SEMA5B: variants seen among roughly 807,000 people sequenced by gnomAD.
SEMA5B encodes semaphorin-5B.
Under a neutral mutation model 135.0 loss-of-function variants are expected in SEMA5B, and 66 were observed. That is an observed-to-expected ratio of 0.49 (90% CI 0.40 to 0.60). SEMA5B has a LOEUF of 0.60. Among genes scored for constraint, SEMA5B ranks in the 20% least tolerant of loss-of-function variants. The pLI is 0.00. For synonymous variants in SEMA5B, 690 were observed against 639.5 expected, an observed-to-expected ratio of 1.08 and a Z score of -1.19; for missense variants, 1,501 against 1,566.3, an observed-to-expected ratio of 0.96 and a Z score of 0.70.
chr3:122,997,513 GCCTCTCCCCCCC>G (rs1942050058), intron 1 of SEMA5B, among the ~76,000 whole-genome samples: 1 of 146,984 alleles, frequency 6.8e-6, no homozygotes, highest in Non-Finnish European at 1.5e-5. Flanking sequence ...TGGTCCCCAG[GCCTCTCCCCCCC>G]CCGTCTCCAC....
chr3:122,920,631 T>A (rs1205244567), intron 12 of SEMA5B, among the ~76,000 whole-genome samples: 1 of 152,210 alleles, frequency 6.6e-6, no homozygotes, highest in Non-Finnish European at 1.5e-5. Flanking sequence ...CCATCAAATG[T>A]CTCCCCGTTT....
intron 12 of SEMA5B, among the ~76,000 whole-genome samples, chr3:122,917,716 C>T (rs9869877): frequency 0.055 from 8,404 of 152,076 alleles, 710 homozygotes; most frequent in African/African-American, 0.19. Flanking sequence ...CACTGTGGCC[C>T]ACCCAGGAAT....
At chr3:122,944,163 A>G (rs1939684772) in intron 3 of SEMA5B, among the ~76,000 whole-genome samples, 1 of 152,184 alleles carries the variant, frequency 6.6e-6, no homozygotes, top group South Asian at 2.1e-4. Context: ...TGCCTGGCAC[A>G]GTGATTATTT....
At chr3:123,000,010 C>A (rs1295905970) in intron 1 of SEMA5B, among the ~76,000 whole-genome samples, 1 of 152,072 alleles carries the variant, frequency 6.6e-6, no homozygotes, top group East Asian at 1.9e-4. Flanking sequence ...GAGATTGAGA[C>A]CATCCTGGCT....
chr3:123,017,531 C>T lies in SEMA5B; in HGVS notation c.-39+9933G>A, dbSNP rs1320962642. 2.0e-5 allele frequency among the ~76,000 whole-genome samples: 3 copies of T among 152,242 alleles called. No individual in the cohort carries two copies. In the East Asian group the frequency reaches 5.8e-4, roughly 29 times the overall value. The stretch of plus-strand genomic sequence containing the variant: ...GTTTCAAATAAGCACCACAAGCATC[C>T]AGCAACAGAAAGAATGACCTAATGT... On this transcript the variant is annotated intron_variant, in intron 1 of 22. Transcript: ENST00000357599.
chr3:122,966,346 TAA>T (rs1228367292), intron 1 of SEMA5B, among the ~76,000 whole-genome samples: 1 of 152,078 alleles, frequency 6.6e-6, no homozygotes, highest in Non-Finnish European at 1.5e-5. Flanking sequence ...GTTTGTGACT[TAA>T]AGAGTTGCTC....
chr3:123,024,104 T>C (rs1942749617), intron 1 of SEMA5B, among the ~76,000 whole-genome samples: 1 of 152,240 alleles, frequency 6.6e-6, no homozygotes. Flanking sequence ...TTCTACCACC[T>C]CAGTCATCAA....
intron 1 of SEMA5B, among the ~76,000 whole-genome samples, chr3:123,023,839 A>T (rs1054432376): frequency 5.3e-5 from 8 of 152,194 alleles, no homozygotes; most frequent in African/African-American, 9.7e-5. Flanking sequence ...TGTTGTATCC[A>T]TGGCTCCTAG....
At chr3:122,974,065 G>A (rs966065838) in intron 1 of SEMA5B, among the ~76,000 whole-genome samples, 1 of 152,192 alleles carries the variant, frequency 6.6e-6, no homozygotes, top group Non-Finnish European at 1.5e-5. Context: ...GAGAGCAAAT[G>A]GCTGGCTGAG....
Position 122,923,724 on chromosome 3 carries a change from C to T in SEMA5B, c.1165G>A (p.Ala389Thr), listed in dbSNP as rs143116501. 3.7e-5 allele frequency: 59 copies of T among 1,613,922 alleles called. No homozygotes were observed. The highest frequency in any genetic ancestry group is 5.0e-5 in the Admixed American group (3 of 60,002). The change falls in exon 10 of 23, where the codon GCC (alanine) becomes ACC (threonine). Residue 389 changes from alanine (A) to threonine (T), a missense_variant. Ala to Thr is a moderately conservative substitution (Grantham distance 58). Around this residue, in one of 2 missense-constraint regions of SEMA5B, gnomAD observed 574 missense variants for 684.7 expected, o/e 0.84. Transcript: ENST00000357599. ...VNSIAASAVC[A>T]FNLSAISQAF... ...TGGGAGATAGCACTGAGGTTGAAGGCGCAGACAGCAGAAGCCGCGATGCTG... is the reference window on the plus strand; with the variant it reads ...TGGGAGATAGCACTGAGGTTGAAGGTGCAGACAGCAGAAGCCGCGATGCTG...
At chr3:122,966,328 G>C (rs1940816304) in intron 1 of SEMA5B, among the ~76,000 whole-genome samples, 1 of 152,132 alleles carries the variant, frequency 6.6e-6, no homozygotes, top group African/African-American at 2.4e-5. Context: ...TTTGGAGGGT[G>C]CAAAGAGGTT....
chr3:122,997,925 G>T (rs753506523), intron 1 of SEMA5B, among the ~76,000 whole-genome samples: 2 of 152,100 alleles, frequency 1.3e-5, no homozygotes, highest in African/African-American at 4.8e-5. Flanking sequence ...CCAGCCTCTA[G>T]GTATCACCCC....
chr3:122,992,278 G>A (rs1164434669), intron 1 of SEMA5B, among the ~76,000 whole-genome samples: 1 of 152,210 alleles, frequency 6.6e-6, no homozygotes, highest in Non-Finnish European at 1.5e-5. Context: ...GGGCTCCAGG[G>A]CAAAAGCAGA....
intron 1 of SEMA5B, among the ~76,000 whole-genome samples, chr3:122,998,709 A>G (rs963514837): frequency 6.6e-6 from 1 of 152,180 alleles, no homozygotes; most frequent in African/African-American, 2.4e-5. Flanking sequence ...TTAGGCCCCA[A>G]GTAGGAGCCT....
chr3:122,974,304 C>G (rs1400999144), intron 1 of SEMA5B, among the ~76,000 whole-genome samples: 2 of 152,260 alleles, frequency 1.3e-5, no homozygotes, highest in Non-Finnish European at 2.9e-5. Flanking sequence ...CCTGCACACA[C>G]ACAGGTGAAA....
intron 1 of SEMA5B, among the ~76,000 whole-genome samples, chr3:123,011,997 T>C (rs1466751663): frequency 6.6e-6 from 1 of 152,204 alleles, no homozygotes; most frequent in Non-Finnish European, 1.5e-5. Context: ...GGGCTCTGTC[T>C]GGCACTGTGC....
At chr3:122,958,362 G>A (rs374688125) in intron 2 of SEMA5B, 2 of 152,566 alleles carry the variant, frequency 1.3e-5, no homozygotes. Flanking sequence ...TAAAAGAAGA[G>A]GAAATAGAGG....
At chr3:122,949,335 A>T (rs1216124381) in intron 2 of SEMA5B, among the ~76,000 whole-genome samples, 2 of 152,244 alleles carry the variant, frequency 1.3e-5, no homozygotes, top group African/African-American at 4.8e-5. Context: ...AATATTTGCA[A>T]TTCATATCAC....
intron 1 of SEMA5B, among the ~76,000 whole-genome samples, chr3:123,025,332 G>C (rs536809375): frequency 2.6e-5 from 4 of 152,240 alleles, no homozygotes; most frequent in Non-Finnish European, 5.9e-5. Flanking sequence ...CTTGCTGCCT[G>C]TACAGCCACT....
Sources: gnomAD v4.1 joint callset for allele counts (sites outside exome capture counted in the v4.1 genomes callset) on GRCh38, gnomAD v4.1.1 for gene constraint, gnomAD v4.1.1 regional missense constraint, MANE v1.5 for transcripts, NCBI Gene and HGNC (gene_info 2026-07-23, HGNC 2026-07-21) for gene names.